Variants in C13orf46 observed in about 807,000 individuals in gnomAD.
The protein encoded by C13orf46 is uncharacterized protein C13orf46.
chr13:113,946,802 G>C, the C13orf46 span, among the ~76,000 whole-genome samples: 1 of 152,276 alleles, frequency 6.6e-6, no homozygotes. Flanking sequence ...TGGCCGAGGA[G>C]GAAACCTGCG....
At chr13:113,966,745 T>C (rs2052654365) in intron 5 of C13orf46, among the ~76,000 whole-genome samples, 2 of 151,800 alleles carry the variant, frequency 1.3e-5, no homozygotes, top group Non-Finnish European at 2.9e-5. Context: ...ATGATGATGA[T>C]GGTTGTGATA....
At position 113,971,658 on chromosome 13, in the gene C13orf46, G is replaced by A. The variant is rs184506402; in HGVS notation, c.191-1436C>T. Among the ~76,000 whole-genome samples, 7 of 152,332 alleles carry A rather than the reference G, an allele frequency of 4.6e-5. No homozygotes were observed. The East Asian group carries it at 9.6e-4, about 21-fold the overall frequency. On this transcript the variant is annotated intron_variant, in intron 1 of 6. Transcript: ENST00000636427. ...TGAAGTCGGCCACCCCACGTCTCCCGCATCCCGGAGGCCTCCCTGTGAAGT... is the reference window on the plus strand; with the variant it reads ...TGAAGTCGGCCACCCCACGTCTCCCACATCCCGGAGGCCTCCCTGTGAAGT...
the C13orf46 span, among the ~76,000 whole-genome samples, chr13:113,941,799 T>G: frequency 1.3e-5 from 2 of 152,208 alleles, no homozygotes; most frequent in Admixed American, 1.3e-4. Flanking sequence ...TGCCTGGACC[T>G]GCCCAGCGCC....
chr13:113,934,979 G>A, the C13orf46 span, among the ~76,000 whole-genome samples: 52 of 152,368 alleles, frequency 3.4e-4, no homozygotes, highest in Admixed American at 2.9e-3. Context: ...CTGGCTACAG[G>A]GAAATATTTT....
chr13:113,969,415 G>A (rs904936773), intron 2 of C13orf46, among the ~76,000 whole-genome samples: 2 of 152,242 alleles, frequency 1.3e-5, no homozygotes. Context: ...GCTTCCCTGA[G>A]CTCTACGGAG....
chr13:113,951,367 G>C (rs987884479), downstream of C13orf46, among the ~76,000 whole-genome samples: 12 of 152,312 alleles, frequency 7.9e-5, no homozygotes, highest in East Asian at 2.3e-3. Flanking sequence ...GAGCCGGGCG[G>C]GGCCTTTGCT....
the C13orf46 span, among the ~76,000 whole-genome samples, chr13:113,947,787 C>A: frequency 1.3e-5 from 2 of 152,270 alleles, no homozygotes; most frequent in Non-Finnish European, 2.9e-5. Context: ...AGGAAGCACA[C>A]AGGCTGACCC....
chr13:113,941,665 T>C, the C13orf46 span, among the ~76,000 whole-genome samples: 2 of 152,186 alleles, frequency 1.3e-5, no homozygotes, highest in African/African-American at 2.4e-5. Flanking sequence ...TCTCTGCCTG[T>C]CAGATGGAGA....
chr13:113,947,898 T>A, the C13orf46 span, among the ~76,000 whole-genome samples: 5 of 151,938 alleles, frequency 3.3e-5, no homozygotes, highest in Non-Finnish European at 7.4e-5. Context: ...GGATTGGGGG[T>A]CAGCAGTGCT....
At chr13:113,932,727 T>G in the C13orf46 span, among the ~76,000 whole-genome samples, 1 of 152,238 alleles carries the variant, frequency 6.6e-6, no homozygotes, top group Non-Finnish European at 1.5e-5. Context: ...AAATTTAGCT[T>G]ATTGGTTTTT....
chr13:113,962,927 C>A (rs1036923049), intron 6 of C13orf46, among the ~76,000 whole-genome samples: 4 of 152,172 alleles, frequency 2.6e-5, no homozygotes, highest in African/African-American at 9.7e-5. Context: ...GACCTGGTTA[C>A]GGTAGGAGTC....
rs1260224168 is a variant in C13orf46 at position 113,955,031 on chromosome 13, A to T, written c.*1742T>A. On this transcript the variant is annotated 3_prime_UTR_variant, in exon 7 of 7. Coordinates refer to ENST00000636427, the MANE Select transcript of C13orf46 (RefSeq NM_001365455.2). ...GGAGTAGGATCTGGCGGAGAGGAGG[A>T]GTAGGATCTGGCGGAGAGGAGGAGC... The T allele has an allele frequency of 5.5e-6, 1 of 182,524 alleles. No individual in the cohort carries two copies. The highest frequency in any genetic ancestry group is 6.6e-5 in the Admixed American group (1 of 15,182). The allele number at this position is 182,524 out of a possible 1,614,324, so 11.3% of individuals were successfully genotyped here. A position where few individuals can be genotyped will look rare whatever the true frequency, so the allele number is the denominator to read the frequency against.
chr13:113,946,887 T>C, the C13orf46 span, among the ~76,000 whole-genome samples: 2 of 152,232 alleles, frequency 1.3e-5, no homozygotes, highest in Non-Finnish European at 2.9e-5. Context: ...TGGCTGCCCT[T>C]TGGAGCCCCA....
the C13orf46 span, among the ~76,000 whole-genome samples, chr13:113,942,047 G>T: frequency 6.6e-6 from 1 of 152,384 alleles, no homozygotes; most frequent in South Asian, 2.1e-4. Context: ...GTAAGAGCTT[G>T]TGAAGGTCAC....
In C13orf46 at chr13:113,954,288, C is replaced by G. The variant is rs1207806723; in HGVS notation, c.*2485G>C. 6.6e-6 allele frequency: 1 copy of G among 152,346 alleles called. No individual in the cohort carries two copies. The highest frequency in any genetic ancestry group is 1.5e-5 in the Non-Finnish European group (1 of 68,118). 9.4% of individuals were successfully genotyped at this position (152,346 alleles called of 1,614,324 possible). On this transcript the variant is annotated 3_prime_UTR_variant, in exon 7 of 7. Transcript: ENST00000636427. ...TCAGAGATGCTGCAGGTCACCTGCC[C>G]GTGCCCTCCTGTGCACATGTGTGGT...
intron 1 of C13orf46, among the ~76,000 whole-genome samples, chr13:113,972,460 A>G (rs945042801): frequency 6.6e-6 from 1 of 152,136 alleles, no homozygotes; most frequent in African/African-American, 2.4e-5. Context: ...CCCCGTGGAC[A>G]CCTTTGCGAA....
At position 113,955,249 on chromosome 13, in the gene C13orf46, C is replaced by T. The variant is rs1360413739; in HGVS notation, c.*1524G>A. 3.9e-3 allele frequency: 461 copies of T among 117,576 alleles called. 7 individuals are homozygous for T. The Middle Eastern group carries it at 0.078, about 20-fold the overall frequency. The allele number at this position is 117,576 out of a possible 1,614,324, so 7.3% of individuals were successfully genotyped here. Reference sequence around the variant, plus strand: ...GGAGACGAGGAGCATCTGGCGGAGACGAGGAGCATCTGGCGGAGAGGAGGA... The same window carrying T: ...GGAGACGAGGAGCATCTGGCGGAGATGAGGAGCATCTGGCGGAGAGGAGGA... On this transcript the variant is annotated 3_prime_UTR_variant, in exon 7 of 7. Coordinates refer to ENST00000636427, the MANE Select transcript of C13orf46 (RefSeq NM_001365455.2).
the C13orf46 span, among the ~76,000 whole-genome samples, chr13:113,945,868 A>C: frequency 6.6e-6 from 1 of 152,024 alleles, no homozygotes; most frequent in South Asian, 2.1e-4. Flanking sequence ...TATCCAGGCC[A>C]TGTGACAGGA....
the C13orf46 span, among the ~76,000 whole-genome samples, chr13:113,946,580 G>A: frequency 2.0e-5 from 3 of 152,238 alleles, no homozygotes; most frequent in Non-Finnish European, 4.4e-5. Flanking sequence ...TGTGCTGTGG[G>A]TGGCAGCTGC....
Sources: allele counts gnomAD v4.1 joint callset (sites outside exome capture counted in the v4.1 genomes callset), GRCh38; gene constraint gnomAD v4.1.1; transcripts MANE v1.5; gene names NCBI Gene and HGNC (gene_info 2026-07-23, HGNC 2026-07-21).